Variants in CLCN4 observed in about 807,000 individuals in gnomAD.
CLCN4 encodes H(+)/Cl(-) exchange transporter 4.
CLCN4 carries 1 observed loss-of-function variant against 41.7 expected under a neutral mutation model. That is an observed-to-expected ratio of 0.02 (90% confidence interval 0.01 to 0.11). The LOEUF is 0.11. Among genes scored for constraint, CLCN4 ranks in the 10% least tolerant of loss-of-function variants. CLCN4 has a pLI of 1.00. For missense variants in CLCN4, 287 were observed against 661.0 expected (o/e 0.43, Z 6.20); for synonymous variants, 277 against 285.8 (o/e 0.97, Z 0.31).
Position 10,191,692 on chromosome X carries a change from A to ATTTTTTTTTTTTTTTTT in CLCN4, c.245-3207_245-3191dup, listed in dbSNP as rs760315418. ...AGGCGCGTGCCACCATATCTGGTTAATTTTTTTTTTTTTTTTTTTTTTTTT... is the reference window on the plus strand; with the variant it reads ...AGGCGCGTGCCACCATATCTGGTTAATTTTTTTTTTTTTTTTTTTTTTTTTTTTTTTTTTTTTTTTTT... On this transcript the variant is annotated intron_variant, in intron 4 of 12. Coordinates refer to ENST00000380833, the MANE Select transcript of CLCN4 (RefSeq NM_001830.4). 1.6e-3 allele frequency among the ~76,000 whole-genome samples: 80 copies of ATTTTTTTTTTTTTTTTT among 49,768 alleles called. 4 individuals are homozygous for ATTTTTTTTTTTTTTTTT. The highest frequency in any genetic ancestry group is 6.8e-3 in the African/African-American group (74 of 10,844). 43.2% of individuals were successfully genotyped at this position (49,768 alleles called of 115,157 possible). A position where few individuals can be genotyped will look rare whatever the true frequency, so the allele number is the denominator to read the frequency against.
intron 11 of CLCN4, among the ~76,000 whole-genome samples, chrX:10,219,185 G>T (rs1260351626): frequency 8.9e-6 from 1 of 112,118 alleles, no homozygotes; most frequent in African/African-American, 3.2e-5. Flanking sequence ...AATTGTATTT[G>T]GTTTTAGAAG....
rs768150344 is a variant in CLCN4, at chrX:10,213,820, C to T, written c.1716C>T (p.Tyr572=). ...ATGCATTTGGGAAAGAAGGCATCTA[C>T]GAGGCCCACATCCACTTAAATGGGT... is the stretch of plus-strand genomic sequence containing the variant. ...VADAFGKEGI[Y]EAHIHLNGYP... is the part of the protein sequence containing the mutation. Residue 572 remains tyrosine (Y), a synonymous_variant, in exon 11 of 13, where the codon TAC becomes TAT. Coordinates refer to ENST00000380833, the MANE Select transcript of CLCN4 (RefSeq NM_001830.4). 2.4e-5 allele frequency: 29 copies of T among 1,210,559 alleles called. No individual in the cohort carries two copies. The East Asian group carries it at 3.6e-4, about 15-fold the overall frequency.
chrX:10,158,295 C>G lies in CLCN4; in HGVS notation c.-268C>G. 3.4e-6 allele frequency: 1 copy of G among 291,637 alleles called. No individual in the cohort carries two copies. The highest frequency in any genetic ancestry group is 4.8e-5 in the East Asian group (1 of 20,670). 24.0% of individuals were successfully genotyped at this position (291,637 alleles called of 1,213,427 possible). A position where few individuals can be genotyped will look rare whatever the true frequency, so the allele number is the denominator to read the frequency against. On this transcript the variant is annotated 5_prime_UTR_variant, in exon 2 of 13. Transcript: ENST00000380833. ...TCATAATTCTTCGCGAAAGGCCAGG[C>G]AAGCTGCACACATCAAGCGAAACGC...
intron 12 of CLCN4, among the ~76,000 whole-genome samples, chrX:10,223,140 C>T (rs1445201063): frequency 4.5e-5 from 5 of 111,843 alleles, no homozygotes; most frequent in Non-Finnish European, 9.4e-5. Context: ...CTGCAACTGC[C>T]GGTCTGGGGA....
At chrX:10,197,572 A>T in intron 5 of CLCN4, among the ~76,000 whole-genome samples, 1 of 111,350 alleles carries the variant, frequency 9.0e-6, no homozygotes, top group Non-Finnish European at 1.9e-5. Context: ...CACAGACAAG[A>T]CAAAACTAAT....
At chrX:10,188,476 G>A (rs1923870574) in intron 4 of CLCN4, among the ~76,000 whole-genome samples, 1 of 111,670 alleles carries the variant, frequency 9.0e-6, no homozygotes, top group South Asian at 3.7e-4. Context: ...CCGTGTTTGC[G>A]AGCAGTAGAT....
chrX:10,222,210 G>A (rs1166690312), intron 12 of CLCN4, among the ~76,000 whole-genome samples: 2 of 112,256 alleles, frequency 1.8e-5, no homozygotes, highest in Admixed American at 1.9e-4. Flanking sequence ...CACTGTAGTA[G>A]CACCAGAGAA....
chrX:10,229,492 C>A (rs1206368984), intron 12 of CLCN4, among the ~76,000 whole-genome samples: 1 of 108,785 alleles, frequency 9.2e-6, no homozygotes, highest in African/African-American at 3.4e-5. Flanking sequence ...TGTGCTGCAC[C>A]CATTAACTCA....
intron 2 of CLCN4, among the ~76,000 whole-genome samples, chrX:10,179,261 T>TGAAAGGG (rs1923612890): frequency 9.0e-6 from 1 of 111,164 alleles, no homozygotes; most frequent in Non-Finnish European, 1.9e-5. Flanking sequence ...GCTGTTTCAT[T>TGAAAGGG]CCCTGTGCCA....
intron 12 of CLCN4, among the ~76,000 whole-genome samples, 161 bp downstream of exon 12, chrX:10,221,038 G>A (rs927318556): frequency 9.0e-6 from 1 of 111,391 alleles, no homozygotes; most frequent in African/African-American, 3.3e-5. Flanking sequence ...TGTACAGGGA[G>A]CTTGGGACTG....
intron 9 of CLCN4, among the ~76,000 whole-genome samples, chrX:10,209,829 CT>C (rs58207034): frequency 0.067 from 6,512 of 97,229 alleles, 171 homozygotes; most frequent in Non-Finnish European, 0.1. Flanking sequence ...GTTATTATAG[CT>C]TTTTTTTTTT....
At chrX:10,196,761 G>A (rs1000478781) in intron 5 of CLCN4, among the ~76,000 whole-genome samples, 2 of 111,312 alleles carry the variant, frequency 1.8e-5, no homozygotes, top group Non-Finnish European at 3.8e-5. Flanking sequence ...GACAGAATTG[G>A]CTGTGCGCCA....
At chrX:10,212,059 T>G (rs1295720325) in intron 9 of CLCN4, among the ~76,000 whole-genome samples, 1 of 111,709 alleles carries the variant, frequency 9.0e-6, no homozygotes, top group Non-Finnish European at 1.9e-5. Context: ...GGCCCTTCTT[T>G]TCCATTTTCA....
chrX:10,209,099 G>A (rs1173554870), intron 9 of CLCN4, among the ~76,000 whole-genome samples: 2 of 111,642 alleles, frequency 1.8e-5, no homozygotes, highest in African/African-American at 3.3e-5. Flanking sequence ...CTGGGAGAAA[G>A]AGATGCAGAC....
intron 6 of CLCN4, among the ~76,000 whole-genome samples, 170 bp from the exon 7 acceptor site, chrX:10,206,188 A>G (rs1170775598): frequency 8.9e-6 from 1 of 112,255 alleles, no homozygotes; most frequent in East Asian, 2.8e-4. Flanking sequence ...TGAGTTTTTA[A>G]TATTTCAGTT....
intron 2 of CLCN4, among the ~76,000 whole-genome samples, chrX:10,173,266 T>A (rs1401500117): frequency 2.7e-5 from 3 of 111,319 alleles, no homozygotes; most frequent in Non-Finnish European, 5.7e-5. Context: ...AGGATCAGAA[T>A]CTGCCGTTTA....
intron 11 of CLCN4, among the ~76,000 whole-genome samples, chrX:10,215,967 GAAAAGCTGTTTTTCT>G (rs1373201063): frequency 3.6e-5 from 4 of 112,085 alleles, no homozygotes. Context: ...TGAGGAATCA[GAAAAGCTGTTTTTCT>G]GGCCTGTGGA....
chrX:10,165,401 T>G (rs2147157589), intron 2 of CLCN4, among the ~76,000 whole-genome samples: 1 of 112,632 alleles, frequency 8.9e-6, no homozygotes. Context: ...AGCAGGGTCA[T>G]GAAGGAGAGG....
intron 2 of CLCN4, among the ~76,000 whole-genome samples, chrX:10,181,504 A>C (rs1433353259): frequency 1.8e-5 from 2 of 112,227 alleles, no homozygotes; most frequent in Non-Finnish European, 3.8e-5. Flanking sequence ...TGCAGTGTGA[A>C]TAGGAGCTTT....
Sources: gnomAD v4.1 joint callset for allele counts (sites outside exome capture counted in the v4.1 genomes callset) on GRCh38, gnomAD v4.1.1 for gene constraint, MANE v1.5 for transcripts, NCBI Gene and HGNC (gene_info 2026-07-23, HGNC 2026-07-21) for gene names.